Variants in TMEM209 observed in about 807,000 individuals in gnomAD.
TMEM209 encodes the protein testicular tissue protein Li 202.
Under a neutral mutation model 76.2 loss-of-function variants are expected in TMEM209, and 65 were observed. The observed-to-expected ratio is 0.85, with a 90% CI of 0.70 to 1.05. The LOEUF is 1.05. TMEM209 is among the 50% of genes least tolerant of loss of function. The pLI, the probability that TMEM209 is intolerant of heterozygous loss-of-function variation, is 0.00. For synonymous variants in TMEM209, 239 were observed against 237.6 expected (o/e 1.01, Z -0.06); for missense variants, 623 against 685.5 (o/e 0.91, Z 1.02).
chr7:130,197,492 A>G (rs1798028202), intron 5 of TMEM209, among the ~76,000 whole-genome samples: 2 of 152,212 alleles, frequency 1.3e-5, no homozygotes, highest in African/African-American at 4.8e-5. Context: ...TTCAGTAGGC[A>G]CATTGTTTCA....
chr7:130,176,438 CT>C (rs1275693150), intron 10 of TMEM209, among the ~76,000 whole-genome samples: 1 of 152,072 alleles, frequency 6.6e-6, no homozygotes, highest in African/African-American at 2.4e-5. Flanking sequence ...TTCTTTAAAG[CT>C]TTTTTGTATA....
chr7:130,173,799 C>G, intron 12 of TMEM209, 26 bp downstream of exon 12: 1 of 1,608,852 alleles, frequency 6.2e-7, no homozygotes, highest in Non-Finnish European at 8.5e-7. Flanking sequence ...AAAATCTCAA[C>G]ACATTCTTTT....
chr7:130,203,438 G>A (rs911052421), intron 3 of TMEM209, among the ~76,000 whole-genome samples: 3 of 152,178 alleles, frequency 2.0e-5, no homozygotes, highest in Non-Finnish European at 4.4e-5. Flanking sequence ...GAAAACTGAG[G>A]AAGGCATCAA....
chr7:130,203,694 C>T lies in TMEM209; in HGVS notation c.199+94G>A, dbSNP rs1364986818. ...TTACAACCCAGCAGGCAGTCAAATA[C>T]TTGTTGAATAAGGAAATGTATACTA... On this transcript the variant is annotated intron_variant, in intron 3 of 14. Coordinates refer to ENST00000397622, the MANE Select transcript of TMEM209 (RefSeq NM_032842.4). 9 of 1,115,104 alleles carry T rather than the reference C, an allele frequency of 8.1e-6. No individual in the cohort carries two copies. The Admixed American group carries it at 2.3e-4, about 28-fold the overall frequency. The allele number at this position is 1,115,104 out of a possible 1,614,324, so 69.1% of individuals were successfully genotyped here. A position where few individuals can be genotyped will look rare whatever the true frequency, so the allele number is the denominator to read the frequency against.
At chr7:130,172,056 T>G (rs1212275534) in intron 13 of TMEM209, among the ~76,000 whole-genome samples, 1 of 151,770 alleles carries the variant, frequency 6.6e-6, no homozygotes, top group African/African-American at 2.4e-5. Flanking sequence ...AAAATCTGTA[T>G]GTGCTTGTAA....
intron 9 of TMEM209, 113 bp downstream of exon 9, chr7:130,181,510 T>C: frequency 2.5e-6 from 2 of 795,690 alleles, no homozygotes; most frequent in Non-Finnish European, 4.1e-6. Context: ...TTATAGACAT[T>C]TGGGGTTTTT....
chr7:130,184,946 G>A (rs563973499), intron 7 of TMEM209, among the ~76,000 whole-genome samples: 1 of 152,324 alleles, frequency 6.6e-6, no homozygotes, highest in African/African-American at 2.4e-5. Context: ...TATAATCAAT[G>A]TAAAAATATG....
chr7:130,192,089 A>G (rs185978860), intron 6 of TMEM209, among the ~76,000 whole-genome samples: 4 of 152,334 alleles, frequency 2.6e-5, no homozygotes, highest in African/African-American at 7.2e-5. Context: ...TTTGGTTTCA[A>G]ATAATTGACT....
In TMEM209 at chr7:130,193,064, T is replaced by C. The variant is rs1797853240; in HGVS notation, c.574-241A>G. 2.0e-5 allele frequency among the ~76,000 whole-genome samples: 3 copies of C among 152,196 alleles called. No individual in the cohort carries two copies. In the South Asian group the frequency reaches 6.2e-4, roughly 32 times the overall value. On this transcript the variant is annotated intron_variant, in intron 5 of 14. Coordinates refer to ENST00000397622, the MANE Select transcript of TMEM209 (RefSeq NM_032842.4). ...TACAAAAGTAAATATTATCTTACCA[T>C]ACGAACTAGTAATTGTGCTCCTTAG...
chr7:130,186,350 T>C (rs993011934), intron 6 of TMEM209, among the ~76,000 whole-genome samples: 2 of 152,166 alleles, frequency 1.3e-5, no homozygotes, highest in African/African-American at 4.8e-5. Context: ...CATCAAAATT[T>C]TGATGGTTAG....
chr7:130,173,760 A>C, intron 12 of TMEM209, 31 bp from the exon 13 acceptor site: 1 of 1,609,808 alleles, frequency 6.2e-7, no homozygotes, highest in Non-Finnish European at 8.5e-7. Flanking sequence ...CTGCATTAAA[A>C]AACCAAACCC....
intron 5 of TMEM209, among the ~76,000 whole-genome samples, chr7:130,197,602 TATC>T (rs1285732617): frequency 1.3e-5 from 2 of 152,208 alleles, no homozygotes; most frequent in African/African-American, 4.8e-5. Flanking sequence ...TGGTATGTTT[TATC>T]ATCATTAAAC....
chr7:130,169,693 G>A (rs377109277), intron 14 of TMEM209, among the ~76,000 whole-genome samples: 4 of 151,900 alleles, frequency 2.6e-5, no homozygotes, highest in African/African-American at 7.3e-5. Flanking sequence ...CATGCATATC[G>A]GAAGTGGAAA....
At chr7:130,193,709 G>GT (rs1422035819) in intron 5 of TMEM209, among the ~76,000 whole-genome samples, 2 of 151,976 alleles carry the variant, frequency 1.3e-5, no homozygotes, top group African/African-American at 4.8e-5. Flanking sequence ...AAAAACACTG[G>GT]TTAACAGGAA....
chr7:130,168,595 G>T (rs892475085), intron 14 of TMEM209, among the ~76,000 whole-genome samples: 1 of 152,160 alleles, frequency 6.6e-6, no homozygotes, highest in Non-Finnish European at 1.5e-5. Flanking sequence ...ATGGGAGAAT[G>T]TCCAAGATAT....
At chr7:130,202,971 C>A (rs1300708759) in intron 3 of TMEM209, among the ~76,000 whole-genome samples, 4 of 151,982 alleles carry the variant, frequency 2.6e-5, no homozygotes, top group Admixed American at 2.6e-4. Flanking sequence ...CACCTGTAGT[C>A]TCAGCTACTT....
chr7:130,202,206 G>C (rs1039720385), intron 4 of TMEM209, 115 bp from the exon 5 acceptor site: 2 of 1,316,106 alleles, frequency 1.5e-6, no homozygotes, highest in South Asian at 1.5e-5. Context: ...AGAGTTACTT[G>C]GTTGTTAAAT....
intron 10 of TMEM209, among the ~76,000 whole-genome samples, chr7:130,176,401 G>A (rs868531923): frequency 6.6e-6 from 1 of 151,954 alleles, no homozygotes; most frequent in Non-Finnish European, 1.5e-5. Context: ...GATTACAGGC[G>A]TGAGCCACCG....
chr7:130,181,443 A>T (rs1797408935), intron 9 of TMEM209, among the ~76,000 whole-genome samples, 180 bp downstream of exon 9: 1 of 152,230 alleles, frequency 6.6e-6, no homozygotes, highest in Non-Finnish European at 1.5e-5. Flanking sequence ...GGTAAATTAT[A>T]TGGTAGCTAA....
Sources: allele counts gnomAD v4.1 joint callset (sites outside exome capture counted in the v4.1 genomes callset), GRCh38; gene constraint gnomAD v4.1.1; transcripts MANE v1.5; gene names NCBI Gene and HGNC (gene_info 2026-07-23, HGNC 2026-07-21).